Variants in GRM4 observed in about 807,000 individuals in gnomAD.
GRM4 encodes the protein metabotropic glutamate receptor 4.
In GRM4, 28 loss-of-function variants were observed where a neutral mutation model predicts 81.7. The ratio of observed to expected loss-of-function variants is 0.34; its 90% CI spans 0.25 to 0.47. The LOEUF (loss-of-function observed/expected upper bound fraction) is 0.47, where lower values mean the gene tolerates loss of function less well. Among genes scored for constraint, GRM4 ranks in the 20% least tolerant of loss-of-function variants. The pLI is 1.00. For synonymous variants in GRM4, 488 were observed against 528.8 expected (o/e 0.92, Z 1.06); for missense variants, 948 against 1,290.0 (o/e 0.73, Z 4.06).
chr6:34,043,532 C>A (rs948472783), intron 6 of GRM4, among the ~76,000 whole-genome samples: 13 of 152,160 alleles, frequency 8.5e-5, no homozygotes, highest in African/African-American at 1.7e-4. Context: ...AAATTATTAA[C>A]CAGGGATGGA....
intron 1 of GRM4, among the ~76,000 whole-genome samples, chr6:34,153,524 G>A (rs1254122694): frequency 6.6e-6 from 1 of 152,282 alleles, no homozygotes; most frequent in African/African-American, 2.4e-5. Context: ...CAGAGGTCAT[G>A]GCTGACGCTC....
At chr6:34,038,432 C>T (rs376124861) in intron 8 of GRM4, among the ~76,000 whole-genome samples, 6 of 152,218 alleles carry the variant, frequency 3.9e-5, no homozygotes, top group South Asian at 2.1e-4. Context: ...CAGCCCTCAG[C>T]ACAGGCTGGC....
chr6:34,085,199 G>A (rs1465014332), intron 3 of GRM4, among the ~76,000 whole-genome samples: 2 of 152,172 alleles, frequency 1.3e-5, no homozygotes, highest in African/African-American at 4.8e-5. Flanking sequence ...GCACAGGGGC[G>A]AAATAAATCT....
chr6:34,031,670 GGA>G (rs1422283164), intron 9 of GRM4, among the ~76,000 whole-genome samples: 2 of 152,104 alleles, frequency 1.3e-5, no homozygotes, highest in South Asian at 4.2e-4. Context: ...CCCACGTAGT[GGA>G]GAAAGCCCGC....
intron 2 of GRM4, among the ~76,000 whole-genome samples, chr6:34,099,308 T>C (rs1768705567): frequency 6.6e-6 from 1 of 152,138 alleles, no homozygotes; most frequent in Non-Finnish European, 1.5e-5. Flanking sequence ...GCCCTCAGCC[T>C]GCCCTCAGCC....
chr6:34,022,774 C>A lies in GRM4; in HGVS notation c.*47G>T, dbSNP rs767300456. The A allele has an allele frequency of 1.9e-6, 3 of 1,563,788 alleles. No individual in the cohort carries two copies. Among genetic ancestry groups the A allele is most frequent in the African/African-American group, 2.7e-5 (2 of 73,884 alleles). On this transcript the variant is annotated 3_prime_UTR_variant, in exon 11 of 11. Transcript: ENST00000538487. The surrounding 1 kb of genome is among the most constrained non-coding windows in gnomAD (Gnocchi z 5.6). ...GTGTGGCCCTGGCCCGACGCACCTT[C>A]CACAGGGTCACGGCTCCTCCTCCTG... is the stretch of plus-strand genomic sequence containing the variant.
Position 34,066,583 on chromosome 6 carries a change from C to T in GRM4, c.737-4555G>A, listed in dbSNP as rs549889692. Among the ~76,000 whole-genome samples the T allele has an allele frequency of 3.9e-5, 6 of 152,138 alleles. No homozygotes were observed. The South Asian group carries it at 6.2e-4, about 16-fold the overall frequency. On this transcript the variant is annotated intron_variant, in intron 3 of 10. Coordinates refer to ENST00000538487, the MANE Select transcript of GRM4 (RefSeq NM_000841.4). ...TCACACTCTTCCCCAGTGCCTAGAACACTGCCTGGCCCATAGTAGGTGCTC... is the reference window on the plus strand; with the variant it reads ...TCACACTCTTCCCCAGTGCCTAGAATACTGCCTGGCCCATAGTAGGTGCTC...
At chr6:34,043,590 C>A (rs947352738) in intron 6 of GRM4, among the ~76,000 whole-genome samples, 3 of 152,174 alleles carry the variant, frequency 2.0e-5, no homozygotes, top group Non-Finnish European at 4.4e-5. Flanking sequence ...TCTCTCAAGG[C>A]CAAGGACGCA....
rs186384396 is a variant in GRM4, at chr6:34,121,231, T to G, written c.519+11747A>C. Among the ~76,000 whole-genome samples, 1 of 152,142 alleles carries G rather than the reference T, an allele frequency of 6.6e-6. No homozygotes were observed. Among genetic ancestry groups the G allele is most frequent in the Non-Finnish European group, 1.5e-5 (1 of 68,010 alleles). On this transcript the variant is annotated intron_variant, in intron 2 of 10. Coordinates refer to ENST00000538487, the MANE Select transcript of GRM4 (RefSeq NM_000841.4). The surrounding 1 kb of genome is among the most constrained non-coding windows in gnomAD (Gnocchi z 4.6). ...CCCCCAGTCCTAAGCCTCAGACTCCTTCCCTGGCTAGGGTCTCCCAGCTGG... is the reference window on the plus strand; with the variant it reads ...CCCCCAGTCCTAAGCCTCAGACTCCGTCCCTGGCTAGGGTCTCCCAGCTGG...
intron 2 of GRM4, among the ~76,000 whole-genome samples, chr6:34,096,090 G>C (rs1259785388): frequency 1.3e-5 from 2 of 152,158 alleles, no homozygotes; most frequent in Non-Finnish European, 2.9e-5. Flanking sequence ...CCATCCCTCT[G>C]CCTCCTTTGC....
At position 34,040,677 on chromosome 6, in the gene GRM4, A is replaced by T; in HGVS notation, c.1240T>A (p.Tyr414Asn). The change falls in exon 7 of 11, where the codon TAC becomes AAC. Residue 414 changes from tyrosine to asparagine, a missense_variant. Coordinates refer to ENST00000538487, the MANE Select transcript of GRM4 (RefSeq NM_000841.4). ...GCGTGCAGCGCGTGGCCCATGGCGT[A>T]CACGGCATCGATCACAAACTGCACC... Reference protein sequence around the residue: ...GKVQFVIDAVYAMGHALHAMH... With the variant: ...GKVQFVIDAVNAMGHALHAMH... The T allele has an allele frequency of 6.2e-7, 1 of 1,614,058 alleles. No individual in the cohort carries two copies.
At position 34,133,021 on chromosome 6, in the gene GRM4, C is replaced by T; in HGVS notation, c.476G>A (p.Ser159Asn). 6.2e-7 allele frequency: 1 copy of T among 1,612,836 alleles called. No individual in the cohort carries two copies. Among genetic ancestry groups the T allele is most frequent in the Non-Finnish European group, 8.5e-7 (1 of 1,179,298 alleles). The change falls in exon 2 of 11, where the codon AGC becomes AAC. Residue 159 changes from serine (S) to asparagine (N), a missense_variant. Transcript: ENST00000538487. The surrounding 1 kb of genome is among the most constrained non-coding windows in gnomAD (Gnocchi z 6.5). Reference protein sequence around the residue: ...RVVGVIGASGSSVSIMVANIL... With the variant: ...RVVGVIGASGNSVSIMVANIL... ...GTTGGCCACCATGATGGAGACCGAGCTCCCTGAAGCACCGATGACACCCAC... is the reference window on the plus strand; with the variant it reads ...GTTGGCCACCATGATGGAGACCGAGTTCCCTGAAGCACCGATGACACCCAC...
chr6:34,084,392 C>T lies in GRM4; in HGVS notation c.736+7491G>A, dbSNP rs542340501. ...AGGGGCAGAGGGAAGGGTCAGCAGGCGCTGTAGCCCACCTGAAGGGGCTTC... is the reference window on the plus strand; with the variant it reads ...AGGGGCAGAGGGAAGGGTCAGCAGGTGCTGTAGCCCACCTGAAGGGGCTTC... On this transcript the variant is annotated intron_variant, in intron 3 of 10. Transcript: ENST00000538487. Among the ~76,000 whole-genome samples, 141 of 152,250 alleles carry T rather than the reference C, an allele frequency of 9.3e-4. 1 individual carries two copies. The highest frequency in any genetic ancestry group is 3.1e-3 in the African/African-American group (130 of 41,548).
chr6:34,148,882 GCTGACCCGCCCGTTC>G (rs1368158684), upstream of GRM4, among the ~76,000 whole-genome samples: 4 of 152,144 alleles, frequency 2.6e-5, no homozygotes, highest in Admixed American at 6.5e-5. Flanking sequence ...AGGGAGTGAT[GCTGACCCGCCCGTTC>G]CTGCACCAGT....
At chr6:34,153,583 G>C (rs1409103233) in intron 1 of GRM4, among the ~76,000 whole-genome samples, 1 of 152,214 alleles carries the variant, frequency 6.6e-6, no homozygotes, top group Non-Finnish European at 1.5e-5. Context: ...GGAAACTTGG[G>C]GGCACAAAAG....
At position 34,077,636 on chromosome 6, in the gene GRM4, C is replaced by T. The variant is rs185922468; in HGVS notation, c.736+14247G>A. On this transcript the variant is annotated intron_variant, in intron 3 of 10. Transcript: ENST00000538487. ...CCTGCAGGACTGACTTCATCCACCC[C>T]CAGCCTCCTCTCCCACCCCCAACTC... 2.5e-3 allele frequency among the ~76,000 whole-genome samples: 374 copies of T among 152,230 alleles called. 2 individuals are homozygous for T. Among genetic ancestry groups the T allele is most frequent in the African/African-American group, 8.6e-3 (357 of 41,534 alleles).
intron 10 of GRM4, chr6:34,024,131 C>A (rs1764022551): frequency 6.5e-6 from 1 of 152,906 alleles, no homozygotes; most frequent in Admixed American, 6.5e-5. Context: ...CAAATTGTCC[C>A]CCCGATCCTC....
At chr6:34,109,308 G>A (rs971148182) in intron 2 of GRM4, among the ~76,000 whole-genome samples, 6 of 152,258 alleles carry the variant, frequency 3.9e-5, no homozygotes, top group South Asian at 2.1e-4. Context: ...GAAGCCCCTC[G>A]TTGATCTTAG....
chr6:34,071,552 A>C, intron 3 of GRM4, among the ~76,000 whole-genome samples: 1 of 119,160 alleles, frequency 8.4e-6, no homozygotes, highest in African/African-American at 3.2e-5. Context: ...CCATACACAC[A>C]TCACACAGAT....
Sources: gnomAD v4.1 joint callset for allele counts (sites outside exome capture counted in the v4.1 genomes callset) on GRCh38, gnomAD v4.1.1 for gene constraint, Gnocchi (gnomAD v3.1) non-coding constraint, MANE v1.5 for transcripts, NCBI Gene and HGNC (gene_info 2026-07-23, HGNC 2026-07-21) for gene names.